Variants in LIPA observed in about 807,000 individuals in gnomAD.
The protein encoded by LIPA is lipase A, lysosomal acid type.
LIPA carries 26 observed loss-of-function variants against 40.6 expected under a neutral mutation model. The observed-to-expected ratio is 0.64, with a 90% confidence interval of 0.47 to 0.89. LIPA has a LOEUF of 0.89. Among genes scored for constraint, LIPA ranks in the 40% least tolerant of loss-of-function variants. The pLI is 0.00. For synonymous variants in LIPA, 188 were observed against 168.4 expected (o/e 1.12, Z -0.90); for missense variants, 455 against 479.6 (o/e 0.95, Z 0.48).
intron 4 of LIPA, among the ~76,000 whole-genome samples, chr10:89,227,658 G>A (rs1449669067): frequency 6.6e-6 from 1 of 152,216 alleles, no homozygotes; most frequent in African/African-American, 2.4e-5. Context: ...CCCCTAGCCA[G>A]TTCATACAAG....
chr10:89,307,298 C>A, intron 1 of LIPA: 1 of 1,613,916 alleles, frequency 6.2e-7, no homozygotes, highest in Non-Finnish European at 8.5e-7. Context: ...AAAAATGCAA[C>A]AAGCAGATGA....
intron 1 of LIPA, among the ~76,000 whole-genome samples, chr10:89,310,664 A>G (rs1174779041): frequency 6.6e-6 from 1 of 152,178 alleles, no homozygotes; most frequent in African/African-American, 2.4e-5. Context: ...CTTGTAAGAG[A>G]GGCATTCTCA....
At chr10:89,325,882 A>G (rs569807555) in intron 1 of LIPA, among the ~76,000 whole-genome samples, 4 of 152,198 alleles carry the variant, frequency 2.6e-5, no homozygotes, top group South Asian at 2.1e-4. Flanking sequence ...AAAACCTACA[A>G]TGAGATATGA....
intron 2 of LIPA, chr10:89,392,649 C>G: frequency 1.9e-6 from 3 of 1,584,990 alleles, no homozygotes; most frequent in Non-Finnish European, 2.6e-6. Flanking sequence ...GACAGAATAG[C>G]CAGATCTCAG....
At chr10:89,252,768 T>C (rs938249542), upstream of LIPA, among the ~76,000 whole-genome samples, 9 of 141,266 alleles carry the variant, frequency 6.4e-5, no homozygotes, top group Non-Finnish European at 1.2e-4. Flanking sequence ...ATCATGCCAC[T>C]GCACTCCAGC....
intron 1 of LIPA, among the ~76,000 whole-genome samples, chr10:89,331,400 T>A (rs931182068): frequency 6.6e-6 from 1 of 152,168 alleles, no homozygotes; most frequent in Non-Finnish European, 1.5e-5. Context: ...CTTGAACTCC[T>A]GACCTTAAGT....
At chr10:89,413,781 A>C (rs1268996052) in intron 1 of LIPA, among the ~76,000 whole-genome samples, 1 of 148,220 alleles carries the variant, frequency 6.7e-6, no homozygotes, top group Non-Finnish European at 1.5e-5. Flanking sequence ...AAAAAAAAAA[A>C]ACCAAAATCA....
chr10:89,313,373 T>C (rs1409239271), intron 1 of LIPA, among the ~76,000 whole-genome samples: 1 of 152,238 alleles, frequency 6.6e-6, no homozygotes, highest in Non-Finnish European at 1.5e-5. Context: ...CAGCCTTCTC[T>C]CTCTTTCAGT....
intron 2 of LIPA, among the ~76,000 whole-genome samples, chr10:89,245,998 G>C (rs1395678772): frequency 1.3e-5 from 2 of 152,020 alleles, no homozygotes; most frequent in African/African-American, 4.8e-5. Flanking sequence ...CCACCTACCG[G>C]TGTCTGGTTA....
intron 1 of LIPA, among the ~76,000 whole-genome samples, chr10:89,248,551 T>C (rs1390866513): frequency 6.9e-6 from 1 of 144,586 alleles, no homozygotes; most frequent in Non-Finnish European, 1.5e-5. Context: ...CTTGGCTCAC[T>C]GCAAGCTCCG....
At chr10:89,396,674 C>T (rs573438976) in intron 2 of LIPA, among the ~76,000 whole-genome samples, 5 of 152,284 alleles carry the variant, frequency 3.3e-5, no homozygotes, top group South Asian at 4.1e-4. Flanking sequence ...ATCAAATTTC[C>T]GTAGATTTGG....
chr10:89,227,411 T>C (rs1338477950), intron 4 of LIPA, among the ~76,000 whole-genome samples: 1 of 152,210 alleles, frequency 6.6e-6, no homozygotes, highest in African/African-American at 2.4e-5. Flanking sequence ...CTGTTTTCCG[T>C]TGTTACAAAT....
chr10:89,408,687 A>C (rs138416629), intron 2 of LIPA, among the ~76,000 whole-genome samples: 3,453 of 152,334 alleles, frequency 0.023, 89 homozygotes, highest in South Asian at 0.12. Context: ...AGGTACACAG[A>C]TGTCCTACAG....
chr10:89,262,936 C>T (rs541861743), intron 1 of LIPA, among the ~76,000 whole-genome samples: 2 of 152,326 alleles, frequency 1.3e-5, no homozygotes, highest in East Asian at 3.9e-4. Context: ...AGCCCAATTA[C>T]ATGTGCAGTT....
chr10:89,351,764 G>A (rs554584454), intron 2 of LIPA, among the ~76,000 whole-genome samples: 1 of 152,220 alleles, frequency 6.6e-6, no homozygotes, highest in South Asian at 2.1e-4. Flanking sequence ...ATTTTGTCAG[G>A]CTTAGAGTCT....
At position 89,334,237 on chromosome 10, in the gene LIPA, G is replaced by C. The variant is rs147848001; in HGVS notation, c.-2+8374C>G. ...GGTGGTCATGATCTGGGTTAGGTGA[G>C]AGACTGTAACTATGTTGATTCTGGG... On this transcript the variant is annotated intron_variant, in intron 1 of 5. Transcript: ENST00000282673. Among the ~76,000 whole-genome samples the C allele has an allele frequency of 4.1e-3, 630 of 152,264 alleles. 4 individuals carry two copies. Among genetic ancestry groups the C allele is most frequent in the African/African-American group, 0.014 (600 of 41,552 alleles).
At position 89,223,823 on chromosome 10, in the gene LIPA, A is replaced by G. The variant is rs2228159; in HGVS notation, c.683T>C (p.Phe228Ser). The change falls in exon 7 of 10, where the codon TTT becomes TCT. Residue 228 changes from phenylalanine to serine, a missense_variant. Coordinates refer to ENST00000336233, the MANE Select transcript of LIPA (RefSeq NM_000235.4). ...CTGGGGAAGAAATTCTTTGTCTCCA[A>G]ATAAGTCCTACAAAATAAAAAGAAA... is the stretch of plus-strand genomic sequence containing the variant. ...RLPDHLIKDL[F>S]GDKEFLPQSA... 204 of 1,614,116 alleles carry G rather than the reference A, an allele frequency of 1.3e-4. No individual in the cohort carries two copies. The African/African-American group carries it at 2.2e-3, about 18-fold the overall frequency.
chr10:89,311,737 T>C (rs749639527), intron 1 of LIPA, among the ~76,000 whole-genome samples: 12 of 152,306 alleles, frequency 7.9e-5, no homozygotes, highest in African/African-American at 2.9e-4. Context: ...AAAGAGTTGA[T>C]TTGTCTAGGT....
In LIPA at chr10:89,215,940, G is replaced by T; in HGVS notation, c.964C>A (p.Gln322Lys). ...SSAKNYFHYN[Q>K]SYPPTYNVKD... ...AATGAAAAGACTAAAAACTTTACCT[G>T]GTTGTAATGAAAATAATTCTTGGCA... Residue 322 changes from glutamine to lysine, a missense_variant and splice_region_variant, in exon 9 of 10, where the codon CAG (glutamine) becomes AAG (lysine). Gln to Lys is a moderately conservative substitution (Grantham distance 53). Coordinates refer to ENST00000336233, the MANE Select transcript of LIPA (RefSeq NM_000235.4). 1 of 1,602,642 alleles carries T rather than the reference G, an allele frequency of 6.2e-7. No homozygotes were observed. Among genetic ancestry groups the T allele is most frequent in the Non-Finnish European group, 8.5e-7 (1 of 1,169,630 alleles).
Sources: gnomAD v4.1 joint callset for allele counts (sites outside exome capture counted in the v4.1 genomes callset) on GRCh38, gnomAD v4.1.1 for gene constraint, MANE v1.5 for transcripts, NCBI Gene and HGNC (gene_info 2026-07-23, HGNC 2026-07-21) for gene names.